The following NRG3 variants were observed in gnomAD, a reference collection of about 807,000 sequenced individuals.
NRG3 encodes the protein neuregulin 3.
A neutral mutation model predicts 66.9 loss-of-function variants in NRG3; 31 were observed. The ratio of observed to expected loss-of-function variants is 0.46; its 90% CI spans 0.35 to 0.63. The LOEUF is 0.63. NRG3 is among the 20% of genes least tolerant of loss of function. The probability of loss-of-function intolerance (pLI) is 0.00; values close to 1 mark genes in which losing one functional copy is unlikely to be tolerated. For missense variants in NRG3, 910 were observed against 878.9 expected, an observed-to-expected ratio of 1.04 and a Z score of -0.45; for synonymous variants, 393 against 359.4, an observed-to-expected ratio of 1.09 and a Z score of -1.06.
At chr10:82,854,701 G>T (rs568600466) in intron 3 of NRG3, among the ~76,000 whole-genome samples, 3 of 152,158 alleles carry the variant, frequency 2.0e-5, no homozygotes, top group Non-Finnish European at 4.4e-5. Context: ...TTTTAAAAAT[G>T]TGAGTTCATC....
At chr10:82,297,562 G>A (rs985003566) in intron 1 of NRG3, among the ~76,000 whole-genome samples, 5 of 152,180 alleles carry the variant, frequency 3.3e-5, no homozygotes, top group South Asian at 2.1e-4. Flanking sequence ...GTAGCTCCCC[G>A]ATTCTGACTA....
At chr10:82,566,726 T>A (rs977273015) in intron 2 of NRG3, among the ~76,000 whole-genome samples, 7 of 152,138 alleles carry the variant, frequency 4.6e-5, no homozygotes, top group African/African-American at 1.7e-4. Context: ...ATGTGGTATT[T>A]TGTTTGGACC....
At chr10:82,368,680 C>A (rs1286289938) in intron 2 of NRG3, among the ~76,000 whole-genome samples, 1 of 137,826 alleles carries the variant, frequency 7.3e-6, no homozygotes, top group South Asian at 2.2e-4. Context: ...GCAGACAGAG[C>A]AGAGAGAGAA....
chr10:82,191,625 A>G (rs1276845931), intron 1 of NRG3, among the ~76,000 whole-genome samples: 2 of 152,196 alleles, frequency 1.3e-5, no homozygotes, highest in African/African-American at 4.8e-5. Context: ...TCAGGTGTGT[A>G]TACCACCAAG....
intron 1 of NRG3, among the ~76,000 whole-genome samples, chr10:82,115,206 G>A (rs2067631909): frequency 6.6e-6 from 1 of 152,010 alleles, no homozygotes; most frequent in Admixed American, 6.6e-5. Context: ...TATTCACCCA[G>A]CTTGTGGGTT....
chr10:82,055,286 C>G (rs1467605857), intron 1 of NRG3, among the ~76,000 whole-genome samples: 1 of 151,684 alleles, frequency 6.6e-6, no homozygotes, highest in Non-Finnish European at 1.5e-5. Context: ...ACAATCCTGG[C>G]TAACACAGTG....
At chr10:82,833,013 C>T (rs2062604680) in intron 3 of NRG3, among the ~76,000 whole-genome samples, 1 of 152,030 alleles carries the variant, frequency 6.6e-6, no homozygotes. Flanking sequence ...AAGCTGTTTC[C>T]ATGGACCTTG....
chr10:82,607,937 A>G (rs577901015), intron 2 of NRG3, among the ~76,000 whole-genome samples: 1 of 152,260 alleles, frequency 6.6e-6, no homozygotes, highest in African/African-American at 2.4e-5. Context: ...AGTTACAATG[A>G]CCAAATACTT....
At chr10:81,971,696 T>C (rs2059940004) in intron 1 of NRG3, among the ~76,000 whole-genome samples, 1 of 152,200 alleles carries the variant, frequency 6.6e-6, no homozygotes, top group African/African-American at 2.4e-5. Flanking sequence ...GTTTCCAACG[T>C]GTAGCACAGG....
At chr10:82,523,449 T>C (rs1351674347) in intron 2 of NRG3, among the ~76,000 whole-genome samples, 3 of 152,178 alleles carry the variant, frequency 2.0e-5, no homozygotes, top group Non-Finnish European at 4.4e-5. Flanking sequence ...ATTATGGTTT[T>C]GATTTGTATT....
intron 1 of NRG3, among the ~76,000 whole-genome samples, chr10:82,045,694 G>A (rs2063253567): frequency 1.4e-5 from 1 of 73,166 alleles, no homozygotes; most frequent in Non-Finnish European, 3.1e-5. Flanking sequence ...GGTTTTTATG[G>A]TTTTAGGTCT....
intron 2 of NRG3, among the ~76,000 whole-genome samples, chr10:82,566,381 C>T (rs1371180870): frequency 1.3e-5 from 2 of 151,882 alleles, no homozygotes; most frequent in African/African-American, 4.8e-5. Context: ...CGTTATAATA[C>T]ATCATGGAAT....
chr10:82,437,169 C>G (rs536923667), intron 2 of NRG3, among the ~76,000 whole-genome samples: 188 of 152,188 alleles, frequency 1.2e-3, no homozygotes, highest in African/African-American at 4.3e-3. Flanking sequence ...CCTTCTGGTA[C>G]TCCAATCAAT....
At chr10:82,712,039 A>C (rs995694418) in intron 2 of NRG3, among the ~76,000 whole-genome samples, 2 of 152,184 alleles carry the variant, frequency 1.3e-5, no homozygotes, top group South Asian at 4.1e-4. Flanking sequence ...CTTCTTTTAG[A>C]GCTCCTTCAT....
At chr10:82,342,660 G>A (rs752101590) in intron 1 of NRG3, among the ~76,000 whole-genome samples, 7 of 151,888 alleles carry the variant, frequency 4.6e-5, no homozygotes, top group Non-Finnish European at 5.9e-5. Context: ...TGTAGATTCC[G>A]GATATTAGCC....
At chr10:82,528,180 G>A (rs1260235797) in intron 2 of NRG3, among the ~76,000 whole-genome samples, 1 of 152,144 alleles carries the variant, frequency 6.6e-6, no homozygotes, top group Non-Finnish European at 1.5e-5. Context: ...ACTATTGTTG[G>A]ATCAGTAGGT....
intron 5 of NRG3, among the ~76,000 whole-genome samples, chr10:82,958,063 A>T (rs886542897): frequency 6.6e-6 from 1 of 152,198 alleles, no homozygotes; most frequent in Non-Finnish European, 1.5e-5. Flanking sequence ...GTCATTCCGC[A>T]TGTGCACACA....
At chr10:82,205,486 G>T (rs927958714) in intron 1 of NRG3, among the ~76,000 whole-genome samples, 6 of 152,154 alleles carry the variant, frequency 3.9e-5, no homozygotes, top group Non-Finnish European at 7.4e-5. Context: ...AGAGGTATAT[G>T]AATCAGGCTC....
chr10:82,580,477 T>C (rs1184012437), intron 2 of NRG3, among the ~76,000 whole-genome samples: 1 of 152,012 alleles, frequency 6.6e-6, no homozygotes, highest in Non-Finnish European at 1.5e-5. Context: ...ACACATGATG[T>C]CATGTATCCA....
Sources: allele counts gnomAD v4.1 joint callset (sites outside exome capture counted in the v4.1 genomes callset), GRCh38; gene constraint gnomAD v4.1.1; transcripts MANE v1.5; gene names NCBI Gene and HGNC (gene_info 2026-07-23, HGNC 2026-07-21).